PTPRO: variants seen among roughly 807,000 people sequenced by gnomAD.
PTPRO encodes receptor-type tyrosine-protein phosphatase O.
In PTPRO, 62 loss-of-function variants were observed where a neutral mutation model predicts 145.2. The observed-to-expected ratio is 0.43, with a 90% CI of 0.35 to 0.53. The LOEUF (loss-of-function observed/expected upper bound fraction) is 0.53. Among genes scored for constraint, PTPRO ranks in the 20% least tolerant of loss-of-function variants. PTPRO has a pLI of 0.01. For synonymous variants in PTPRO, 565 were observed against 514.7 expected (o/e 1.10, Z -1.32); for missense variants, 1,345 against 1,482.7 (o/e 0.91, Z 1.53).
intron 1 of PTPRO, among the ~76,000 whole-genome samples, chr12:15,329,317 T>C (rs1866541520): frequency 6.6e-6 from 1 of 152,228 alleles, no homozygotes; most frequent in South Asian, 2.1e-4. Context: ...ACAAACCAGA[T>C]GTCAGAGAAT....
At chr12:15,579,679 T>C (rs933755247) in intron 20 of PTPRO, among the ~76,000 whole-genome samples, 9 of 152,206 alleles carry the variant, frequency 5.9e-5, no homozygotes, top group Admixed American at 5.9e-4. Flanking sequence ...AGTAGTGAAC[T>C]CTCTGGATAT....
At chr12:15,473,532 G>C (rs1392985914) in intron 1 of PTPRO, among the ~76,000 whole-genome samples, 1 of 152,106 alleles carries the variant, frequency 6.6e-6, no homozygotes, top group Non-Finnish European at 1.5e-5. Context: ...TTGAGAGTCT[G>C]AGGCGCACAG....
chr12:15,520,995 T>C (rs1054666628), intron 10 of PTPRO, among the ~76,000 whole-genome samples: 2 of 152,120 alleles, frequency 1.3e-5, no homozygotes, highest in Non-Finnish European at 2.9e-5. Context: ...AAACCTTAAA[T>C]TATGTAGTTG....
chr12:15,515,680 C>G, intron 8 of PTPRO, 62 bp downstream of exon 8: 1 of 1,599,524 alleles, frequency 6.3e-7, no homozygotes, highest in East Asian at 2.2e-5. Flanking sequence ...CGGAGGGGTG[C>G]AATGTGCGAG....
chr12:15,514,149 AT>A (rs1216832862), intron 7 of PTPRO, among the ~76,000 whole-genome samples: 3 of 152,088 alleles, frequency 2.0e-5, no homozygotes, highest in Non-Finnish European at 2.9e-5. Flanking sequence ...ACGTATCCAA[AT>A]TTTTTTTAAA....
At chr12:15,538,389 T>C (rs553989258) in intron 12 of PTPRO, among the ~76,000 whole-genome samples, 1 of 152,228 alleles carries the variant, frequency 6.6e-6, no homozygotes, top group South Asian at 2.1e-4. Flanking sequence ...CACGCCTGGC[T>C]AATTTTTGTA....
At chr12:15,462,244 T>C (rs7313911) in intron 1 of PTPRO, among the ~76,000 whole-genome samples, 133,901 of 152,198 alleles carry the variant, frequency 0.88, 60,968 homozygotes, top group Non-Finnish European at 0.99. Flanking sequence ...CCTGCCTCAG[T>C]GTCCCAAGTA....
At chr12:15,497,484 G>T in intron 3 of PTPRO, 81 bp downstream of exon 3, 2 of 1,412,718 alleles carry the variant, frequency 1.4e-6, no homozygotes, top group Non-Finnish European at 2.0e-6. Flanking sequence ...CTCTCTTACT[G>T]CAAAGAGGTT....
At chr12:15,372,587 G>C (rs1483815530) in intron 1 of PTPRO, among the ~76,000 whole-genome samples, 2 of 152,090 alleles carry the variant, frequency 1.3e-5, no homozygotes, top group Non-Finnish European at 2.9e-5. Flanking sequence ...TAAGTGGGAG[G>C]ACAGTGTAAT....
chr12:15,563,983 G>T (rs1306637536), intron 17 of PTPRO, among the ~76,000 whole-genome samples: 1 of 152,022 alleles, frequency 6.6e-6, no homozygotes, highest in Admixed American at 6.6e-5. Context: ...ACCATCACGG[G>T]GCTGAATAAA....
intron 1 of PTPRO, among the ~76,000 whole-genome samples, chr12:15,417,839 A>G (rs888591985): frequency 2.0e-5 from 3 of 151,704 alleles, no homozygotes; most frequent in African/African-American, 7.3e-5. Context: ...GTCTTCCTTT[A>G]TGCATGCACT....
At chr12:15,556,991 A>G (rs1943644517) in intron 15 of PTPRO, among the ~76,000 whole-genome samples, 1 of 151,560 alleles carries the variant, frequency 6.6e-6, no homozygotes, top group Non-Finnish European at 1.5e-5. Flanking sequence ...ATTGTATGCC[A>G]AAAGGGAACA....
intron 1 of PTPRO, among the ~76,000 whole-genome samples, chr12:15,331,962 C>CTTTTTT (rs200334215): frequency 2.1e-4 from 25 of 118,264 alleles, no homozygotes; most frequent in Non-Finnish European, 3.0e-4. Context: ...CTCTTTCTTT[C>CTTTTTT]TTTTTTTTTT....
chr12:15,416,736 T>C lies in PTPRO; in HGVS notation c.76-67238T>C, dbSNP rs567009724. ...CCACTTCCTTCTTTTTTTTTTTTTT[T>C]CCCCACCAACATGCTCCTCTCTTTC... On this transcript the variant is annotated intron_variant, in intron 1 of 26. Coordinates refer to ENST00000281171, the MANE Select transcript of PTPRO (RefSeq NM_030667.3). Among the ~76,000 whole-genome samples the C allele has an allele frequency of 4.2e-3, 593 of 140,900 alleles. 16 individuals are homozygous for C. The highest frequency in any genetic ancestry group is 0.02 in the South Asian group (90 of 4,474). 92.4% of individuals were successfully genotyped at this position (140,900 alleles called of 152,430 possible). A position where few individuals can be genotyped will look rare whatever the true frequency, so the allele number is the denominator to read the frequency against.
In PTPRO at chr12:15,515,985, TTG is replaced by T. The variant is rs1491321719; in HGVS notation, c.1585+369_1585+370del. Among the ~76,000 whole-genome samples the T allele has an allele frequency of 2.3e-4, 27 of 117,528 alleles. No homozygotes were observed. The East Asian group carries it at 3.1e-3, about 13-fold the overall frequency. 77.1% of individuals were successfully genotyped at this position (117,528 alleles called of 152,430 possible). A position where few individuals can be genotyped will look rare whatever the true frequency, so the allele number is the denominator to read the frequency against. On this transcript the variant is annotated intron_variant, in intron 8 of 26. Transcript: ENST00000281171. Reference sequence around the variant, plus strand: ...TTGTTTTGTTTGTCTGGTTTTTTTTTTGTTTTGTTTTTTTTTTTTTTTGGAGA... The same window carrying T: ...TTGTTTTGTTTGTCTGGTTTTTTTTTTTTTGTTTTTTTTTTTTTTTGGAGA...
At chr12:15,433,739 A>G (rs867469915) in intron 1 of PTPRO, among the ~76,000 whole-genome samples, 3 of 152,292 alleles carry the variant, frequency 2.0e-5, no homozygotes, top group Middle Eastern at 6.8e-3. Context: ...TACCAATACC[A>G]TGCTGCTTTG....
chr12:15,437,639 C>T (rs1940635345), intron 1 of PTPRO, among the ~76,000 whole-genome samples: 1 of 151,842 alleles, frequency 6.6e-6, no homozygotes. Context: ...ACAACCCCTT[C>T]TGTTCGTAGA....
At chr12:15,419,150 A>T (rs1297298033) in intron 1 of PTPRO, among the ~76,000 whole-genome samples, 2 of 151,436 alleles carry the variant, frequency 1.3e-5, no homozygotes, top group African/African-American at 4.9e-5. Context: ...ATCAGCTACA[A>T]ATTTTAGCAG....
chr12:15,442,616 C>T (rs968563095), intron 1 of PTPRO, among the ~76,000 whole-genome samples: 2 of 152,104 alleles, frequency 1.3e-5, no homozygotes. Flanking sequence ...CCAAAAGCCT[C>T]TTGGAACTGA....
Sources: gnomAD v4.1 joint callset for allele counts (sites outside exome capture counted in the v4.1 genomes callset) on GRCh38, gnomAD v4.1.1 for gene constraint, MANE v1.5 for transcripts, NCBI Gene and HGNC (gene_info 2026-07-23, HGNC 2026-07-21) for gene names.